The following VWA8 variants were observed in gnomAD, a reference collection of about 807,000 sequenced individuals.
The protein encoded by VWA8 is von Willebrand factor A domain-containing protein 8.
Under a neutral mutation model 241.5 loss-of-function variants are expected in VWA8, and 221 were observed. The observed-to-expected ratio is 0.91, with a 90% CI of 0.82 to 1.02. The LOEUF is 1.02. Ranked by LOEUF, VWA8 falls within the 50% of genes least tolerant of loss-of-function variation. The probability of loss-of-function intolerance (pLI) is 0.00; values close to 1 mark genes in which losing one functional copy is unlikely to be tolerated. For missense variants in VWA8, 2,322 were observed against 2,328.7 expected (o/e 1.00, Z 0.06); for synonymous variants, 852 against 827.1 (o/e 1.03, Z -0.52).
chr13:41,680,274 T>C (rs1440000328), intron 35 of VWA8, among the ~76,000 whole-genome samples: 1 of 152,182 alleles, frequency 6.6e-6, no homozygotes, highest in Non-Finnish European at 1.5e-5. Flanking sequence ...TCTAAATATG[T>C]TCATATATAT....
intron 42 of VWA8, among the ~76,000 whole-genome samples, chr13:41,577,524 G>A (rs866274456): frequency 1.3e-5 from 2 of 152,198 alleles, no homozygotes; most frequent in South Asian, 2.1e-4. Context: ...GGGTTCAGTG[G>A]TAGGATTGGC....
intron 21 of VWA8, 81 bp downstream of exon 21, chr13:41,761,047 G>T: frequency 7.0e-7 from 1 of 1,419,218 alleles, no homozygotes; most frequent in Non-Finnish European, 9.7e-7. Flanking sequence ...GGGCCTCTAA[G>T]AAAGTATTTT....
rs997782545 is a variant in VWA8, at chr13:41,567,101, T to C, written c.*1096A>G. On this transcript the variant is annotated 3_prime_UTR_variant, in exon 45 of 45. Coordinates refer to ENST00000379310, the MANE Select transcript of VWA8 (RefSeq NM_015058.2). ...GAAGAGGAGTTTTTAAATTATATGG[T>C]TAAAGAGAGAATGACTTTTGCTGAA... 2.0e-5 allele frequency: 3 copies of C among 152,180 alleles called. No homozygotes were observed. Among genetic ancestry groups the C allele is most frequent in the African/African-American group, 4.8e-5 (2 of 41,458 alleles). 9.4% of individuals were successfully genotyped at this position (152,180 alleles called of 1,614,324 possible). A position where few individuals can be genotyped will look rare whatever the true frequency, so the allele number is the denominator to read the frequency against.
chr13:41,754,041 A>C (rs768304039), intron 21 of VWA8, among the ~76,000 whole-genome samples: 3 of 152,158 alleles, frequency 2.0e-5, no homozygotes, highest in Non-Finnish European at 4.4e-5. Flanking sequence ...TATATAATAA[A>C]TAAAAAATTC....
At chr13:41,865,452 C>A in intron 12 of VWA8, 2 of 334,242 alleles carry the variant, frequency 6.0e-6, no homozygotes, top group South Asian at 3.0e-5. Context: ...TATTAATCAA[C>A]CTCTCTTCAC....
intron 37 of VWA8, among the ~76,000 whole-genome samples, chr13:41,620,327 A>C (rs955837876): frequency 2.0e-5 from 3 of 151,978 alleles, no homozygotes; most frequent in African/African-American, 7.3e-5. Flanking sequence ...CCCCTTTATC[A>C]TTTTTTATTG....
chr13:41,780,425 T>A (rs571633081), intron 19 of VWA8, among the ~76,000 whole-genome samples: 1 of 152,318 alleles, frequency 6.6e-6, no homozygotes, highest in East Asian at 1.9e-4. Flanking sequence ...TTATCCTGTA[T>A]CTTTTTCTCC....
intron 12 of VWA8, among the ~76,000 whole-genome samples, chr13:41,858,407 A>G (rs1314562839): frequency 1.3e-5 from 2 of 152,160 alleles, no homozygotes; most frequent in Non-Finnish European, 2.9e-5. Context: ...GGAGTTTGAG[A>G]CCAGCCTGGC....
At chr13:41,893,801 T>G (rs1215439589) in intron 4 of VWA8, among the ~76,000 whole-genome samples, 1 of 152,104 alleles carries the variant, frequency 6.6e-6, no homozygotes, top group Non-Finnish European at 1.5e-5. Flanking sequence ...GGAGAATGAC[T>G]TGAACCCAGG....
chr13:41,622,102 A>G (rs973501374), intron 37 of VWA8, among the ~76,000 whole-genome samples: 3 of 152,188 alleles, frequency 2.0e-5, no homozygotes, highest in Non-Finnish European at 4.4e-5. Context: ...AATGCCACTC[A>G]CTCACTCACA....
intron 12 of VWA8, among the ~76,000 whole-genome samples, chr13:41,858,066 T>C (rs936795537): frequency 6.6e-6 from 1 of 152,138 alleles, no homozygotes; most frequent in Non-Finnish European, 1.5e-5. Flanking sequence ...TCAAGGCTTC[T>C]CTTAGAACTA....
Position 41,568,024 on chromosome 13 carries a change from C to T in VWA8, c.*173G>A. 1 of 597,986 alleles carries T rather than the reference C, an allele frequency of 1.7e-6. No homozygotes were observed. Among genetic ancestry groups the T allele is most frequent in the East Asian group, 2.8e-5 (1 of 35,114 alleles). The allele number at this position is 597,986 out of a possible 1,614,324, so 37.0% of individuals were successfully genotyped here. A position where few individuals can be genotyped will look rare whatever the true frequency, so the allele number is the denominator to read the frequency against. On this transcript the variant is annotated 3_prime_UTR_variant, in exon 45 of 45. Coordinates refer to ENST00000379310, the MANE Select transcript of VWA8 (RefSeq NM_015058.2). ...TATCTTTCCATGTTTAAGTCTCCTT[C>T]TGGCTGCTTCTCTGAATTCTCATTA...
chr13:41,596,807 AC>A, intron 40 of VWA8, among the ~76,000 whole-genome samples: 1 of 151,428 alleles, frequency 6.6e-6, no homozygotes. Flanking sequence ...ACACACACAC[AC>A]ACACACACAC....
At chr13:41,647,893 G>A (rs898570011) in intron 37 of VWA8, among the ~76,000 whole-genome samples, 2 of 152,138 alleles carry the variant, frequency 1.3e-5, no homozygotes, top group East Asian at 3.9e-4. Context: ...GGAGGCTGAA[G>A]CAGGAGAATC....
At chr13:41,953,714 C>A (rs751949342) in intron 1 of VWA8, among the ~76,000 whole-genome samples, 14 of 152,106 alleles carry the variant, frequency 9.2e-5, no homozygotes, top group South Asian at 6.2e-4. Flanking sequence ...GAGACTGAAG[C>A]AGGAGAATTG....
chr13:41,657,298 C>G (rs1375731818), intron 37 of VWA8, among the ~76,000 whole-genome samples: 3 of 151,584 alleles, frequency 2.0e-5, no homozygotes, highest in African/African-American at 4.9e-5. Flanking sequence ...GAGCGCCAGG[C>G]CCTGAGACTT....
At chr13:41,758,398 GTATATATATATATA>G (rs1236188354) in intron 21 of VWA8, among the ~76,000 whole-genome samples, 1 of 25,018 alleles carries the variant, frequency 4.0e-5, no homozygotes, top group Non-Finnish European at 9.1e-5. Context: ...ATATACGCTA[GTATATATATATATA>G]TATATATATA....
chr13:41,921,941 G>A (rs556712951), intron 2 of VWA8, among the ~76,000 whole-genome samples: 190 of 152,214 alleles, frequency 1.2e-3, no homozygotes, highest in African/African-American at 4.4e-3. Flanking sequence ...CTACTTTAAA[G>A]TTCATACGGA....
rs149563218 is a variant in VWA8, at chr13:41,936,988, G to C, written c.241+12948C>G. The stretch of plus-strand genomic sequence containing the variant: ...AGTGATGTCATAGTGTCATAACACT[G>C]TAGTTAATGCATTACCTTTTCAATG... On this transcript the variant is annotated intron_variant, in intron 2 of 44. Transcript: ENST00000379310. 4.2e-3 allele frequency among the ~76,000 whole-genome samples: 635 copies of C among 152,264 alleles called. 5 individuals carry two copies. Among genetic ancestry groups the C allele is most frequent in the African/African-American group, 0.015 (607 of 41,544 alleles).
Sources: allele counts gnomAD v4.1 joint callset (sites outside exome capture counted in the v4.1 genomes callset), GRCh38; gene constraint gnomAD v4.1.1; transcripts MANE v1.5; gene names NCBI Gene and HGNC (gene_info 2026-07-23, HGNC 2026-07-21).